Variants in SAMMSON observed in about 807,000 individuals in gnomAD.
SAMMSON encodes the protein long intergenic non-protein coding RNA 1212.
chr3:70,381,746 C>G (rs1193417858), intron 9 of SAMMSON, among the ~76,000 whole-genome samples: 1 of 151,974 alleles, frequency 6.6e-6, no homozygotes. Context: ...TGAGGACATT[C>G]TAAGAGAAAT....
In SAMMSON at chr3:70,112,420, G is replaced by T. The variant is rs2067393292; in HGVS notation, n.507+40855G>T. On this transcript the variant is annotated intron_variant and non_coding_transcript_variant, in intron 4 of 9. Coordinates refer to ENST00000642114, the Ensembl canonical transcript of SAMMSON. ...ATAGTCACTAAAGGAGGGGCTTCGG[G>T]GAAAGAGAAAAATGGAAACATTGGA... Among the ~76,000 whole-genome samples, 3 of 152,156 alleles carry T rather than the reference G, an allele frequency of 2.0e-5. No homozygotes were observed. In the South Asian group the frequency reaches 6.2e-4, roughly 32 times the overall value.
intron 4 of SAMMSON, among the ~76,000 whole-genome samples, chr3:70,230,988 G>A (rs1040671700): frequency 6.6e-6 from 1 of 152,172 alleles, no homozygotes; most frequent in Non-Finnish European, 1.5e-5. Flanking sequence ...CCAGGATGCT[G>A]CACTGACCCT....
In SAMMSON at chr3:70,263,400, T is replaced by C. The variant is rs543150357; in HGVS notation, n.674+13730T>C. Among the ~76,000 whole-genome samples, 8 of 152,314 alleles carry C rather than the reference T, an allele frequency of 5.3e-5. No homozygotes were observed. The East Asian group carries it at 1.5e-3, about 29-fold the overall frequency. On this transcript the variant is annotated intron_variant and non_coding_transcript_variant, in intron 6 of 9. Transcript: ENST00000642114. ...TTTAGGGTAGGTCTATAGGAATAAT[T>C]ACTCTAGAGCTAATTTAGCTTTTCT...
intron 2 of SAMMSON, among the ~76,000 whole-genome samples, chr3:70,433,969 T>C (rs1486620296): frequency 1.3e-5 from 2 of 152,208 alleles, no homozygotes; most frequent in Non-Finnish European, 2.9e-5. Flanking sequence ...GCAGGTAAGC[T>C]ACTAAGCTCC....
At chr3:70,179,023 T>G (rs6549290) in intron 4 of SAMMSON, among the ~76,000 whole-genome samples, 37,328 of 151,954 alleles carry the variant, frequency 0.25, 5,087 homozygotes, top group East Asian at 0.66. Context: ...ATAATAATAA[T>G]AAGAAGAAGA....
intron 7 of SAMMSON, among the ~76,000 whole-genome samples, chr3:70,338,920 C>G (rs991106911): frequency 1.3e-5 from 2 of 152,072 alleles, no homozygotes; most frequent in East Asian, 1.9e-4. Context: ...TCACATGGAA[C>G]CAAAAAAGAG....
intron 6 of SAMMSON, among the ~76,000 whole-genome samples, chr3:70,266,529 A>C (rs1701918377): frequency 6.6e-6 from 1 of 152,102 alleles, no homozygotes; most frequent in Admixed American, 6.5e-5. Flanking sequence ...CAAGTGATCC[A>C]GAGTCCTGCC....
At chr3:70,130,886 G>A (rs753767354) in intron 4 of SAMMSON, among the ~76,000 whole-genome samples, 1 of 152,088 alleles carries the variant, frequency 6.6e-6, no homozygotes, top group Non-Finnish European at 1.5e-5. Context: ...TATTCTCTCT[G>A]TGCTCTGTCC....
At chr3:70,268,422 C>T (rs781722323) in intron 6 of SAMMSON, among the ~76,000 whole-genome samples, 1 of 138,440 alleles carries the variant, frequency 7.2e-6, no homozygotes, top group Non-Finnish European at 1.5e-5. Context: ...TGGCAGTGAG[C>T]AGAGATCGCA....
At chr3:70,425,899 T>A (rs1223456869) in intron 2 of SAMMSON, among the ~76,000 whole-genome samples, 2 of 152,178 alleles carry the variant, frequency 1.3e-5, no homozygotes, top group East Asian at 3.9e-4. Context: ...GCAACAGAGA[T>A]AAACATTTTT....
intron 4 of SAMMSON, among the ~76,000 whole-genome samples, chr3:70,107,146 A>T (rs1388352112): frequency 6.6e-6 from 1 of 152,340 alleles, no homozygotes; most frequent in Non-Finnish European, 1.5e-5. Context: ...TGGAGACTAA[A>T]GTGATAAAAG....
chr3:70,023,858 C>T (rs1248085544), intron 3 of SAMMSON, among the ~76,000 whole-genome samples: 5 of 152,178 alleles, frequency 3.3e-5, no homozygotes, highest in Non-Finnish European at 7.3e-5. Flanking sequence ...AGTTTGCCAA[C>T]CTGTTATTGA....
intron 4 of SAMMSON, among the ~76,000 whole-genome samples, chr3:70,135,547 G>T (rs1344988093): frequency 2.6e-5 from 4 of 152,042 alleles, no homozygotes; most frequent in Non-Finnish European, 4.4e-5. Context: ...TTTTGCATAA[G>T]TCTTTTTCTC....
At position 70,180,027 on chromosome 3, in the gene SAMMSON, T is replaced by C. The variant is rs55727618; in HGVS notation, n.508-69080T>C. Among the ~76,000 whole-genome samples, 523 of 99,318 alleles carry C rather than the reference T, an allele frequency of 5.3e-3. 5 individuals are homozygous for C. The highest frequency in any genetic ancestry group is 0.012 in the African/African-American group (316 of 26,370). The allele number at this position is 99,318 out of a possible 152,430, so 65.2% of individuals were successfully genotyped here. A position where few individuals can be genotyped will look rare whatever the true frequency, so the allele number is the denominator to read the frequency against. On this transcript the variant is annotated intron_variant and non_coding_transcript_variant, in intron 4 of 9. Transcript: ENST00000642114. ...GTATGTGTGTGTGTGTGTGTGTGTG[T>C]GCGCGCACGTGTGTGTGAAGAAAAA...
At chr3:70,057,138 A>G (rs1471121632) in intron 3 of SAMMSON, among the ~76,000 whole-genome samples, 1 of 152,056 alleles carries the variant, frequency 6.6e-6, no homozygotes, top group Non-Finnish European at 1.5e-5. Flanking sequence ...CTTCCTTTCT[A>G]TTACTTTGTC....
chr3:70,077,885 G>A (rs1440373156), intron 4 of SAMMSON, among the ~76,000 whole-genome samples: 2 of 152,128 alleles, frequency 1.3e-5, no homozygotes, highest in East Asian at 3.9e-4. Context: ...CTTTCCCTTT[G>A]CATTCACTCC....
chr3:70,205,562 G>T (rs58093607), intron 4 of SAMMSON: 28,939 of 150,676 alleles, frequency 0.19, 2,985 homozygotes, highest in Non-Finnish European at 0.24. Flanking sequence ...ATTTTTTTTT[G>T]ATCCCCAACA....
chr3:70,195,677 T>C (rs1342064112), intron 4 of SAMMSON, among the ~76,000 whole-genome samples: 2 of 152,228 alleles, frequency 1.3e-5, no homozygotes, highest in African/African-American at 4.8e-5. Context: ...TTTGTTTGGT[T>C]ACTCATGCAT....
chr3:70,344,546 G>A (rs1702735451), intron 7 of SAMMSON, among the ~76,000 whole-genome samples: 1 of 152,182 alleles, frequency 6.6e-6, no homozygotes, highest in South Asian at 2.1e-4. Context: ...AAGGACCTGG[G>A]TATGAAGAGG....
Sources: gnomAD v4.1 joint callset for allele counts (sites outside exome capture counted in the v4.1 genomes callset) on GRCh38, gnomAD v4.1.1 for gene constraint, MANE v1.5 for transcripts, NCBI Gene and HGNC (gene_info 2026-07-23, HGNC 2026-07-21) for gene names.